Variants in RP1 observed in about 807,000 individuals in gnomAD.
RP1 encodes the protein RP1 axonemal microtubule associated, also known as oxygen-regulated protein 1.
A neutral mutation model predicts 14.8 loss-of-function variants in RP1; 16 were observed. The observed-to-expected ratio is 1.08, with a 90% confidence interval of 0.73 to 1.65. RP1 has a LOEUF of 1.65. Among genes scored for constraint, RP1 ranks in the 40% most tolerant of loss-of-function variants. The probability of loss-of-function intolerance (pLI) is 0.00; values close to 1 mark genes in which losing one functional copy is unlikely to be tolerated. For missense variants in RP1, 2,631 were observed against 2,535.0 expected (o/e 1.04, Z -0.81); for synonymous variants, 876 against 883.6 (o/e 0.99, Z 0.15).
intron 6 of RP1, among the ~76,000 whole-genome samples, chr8:54,658,626 T>A (rs1247638307): frequency 6.6e-6 from 1 of 152,060 alleles, no homozygotes; most frequent in African/African-American, 2.4e-5. Context: ...TCCATTCATC[T>A]GACAGTGGAC....
intron 13 of RP1, among the ~76,000 whole-genome samples, chr8:54,700,630 A>T (rs1383044167): frequency 1.3e-5 from 2 of 152,182 alleles, no homozygotes; most frequent in East Asian, 1.9e-4. Flanking sequence ...GAGTTGAAGA[A>T]ATATCTCTTC....
At chr8:54,583,560 G>A (rs1213543166) in intron 1 of RP1, among the ~76,000 whole-genome samples, 1 of 152,180 alleles carries the variant, frequency 6.6e-6, no homozygotes, top group Non-Finnish European at 1.5e-5. Flanking sequence ...GATTGGAATA[G>A]TTTCAGAAGG....
chr8:54,610,540 C>T (rs1189758564), intron 1 of RP1, among the ~76,000 whole-genome samples: 3 of 152,162 alleles, frequency 2.0e-5, no homozygotes, highest in Non-Finnish European at 4.4e-5. Context: ...CTTGATATTT[C>T]TATTTGGATG....
chr8:54,677,862 T>C (rs896822614), intron 8 of RP1, among the ~76,000 whole-genome samples: 1 of 152,214 alleles, frequency 6.6e-6, no homozygotes, highest in African/African-American at 2.4e-5. Context: ...ACAAAACCAC[T>C]ATGACCAATT....
At chr8:54,708,877 G>A (rs552783640) in intron 15 of RP1, among the ~76,000 whole-genome samples, 36 of 152,254 alleles carry the variant, frequency 2.4e-4, no homozygotes, top group African/African-American at 7.9e-4. Flanking sequence ...TGGGGCTGAG[G>A]GACTGGAAGA....
upstream of RP1, among the ~76,000 whole-genome samples, chr8:54,613,405 T>G (rs1025931614): frequency 3.9e-5 from 6 of 152,200 alleles, no homozygotes; most frequent in Non-Finnish European, 8.8e-5. Flanking sequence ...CAGGCATATA[T>G]ATCTCCACAA....
At chr8:54,611,910 T>C (rs1054993050), upstream of RP1, among the ~76,000 whole-genome samples, 2 of 132,516 alleles carry the variant, frequency 1.5e-5, no homozygotes, top group African/African-American at 5.6e-5. Context: ...CCTTCCTTCC[T>C]TCCTATTCCC....
At chr8:54,646,334 T>G (rs551504458) in intron 3 of RP1, among the ~76,000 whole-genome samples, 89 of 152,074 alleles carry the variant, frequency 5.9e-4, no homozygotes, top group African/African-American at 2.0e-3. Flanking sequence ...CTAATTTTTC[T>G]TATTCATTAT....
intron 24 of RP1, among the ~76,000 whole-genome samples, chr8:54,837,147 A>G (rs1263597157): frequency 1.5e-5 from 2 of 136,334 alleles, no homozygotes; most frequent in African/African-American, 2.6e-5. Flanking sequence ...TACCCACTGA[A>G]TGAATAGTGT....
At chr8:54,720,052 C>A (rs557489549) in intron 15 of RP1, 49 of 1,189,098 alleles carry the variant, frequency 4.1e-5, no homozygotes, top group South Asian at 1.7e-4. Context: ...AAATTATATT[C>A]TTTTAAAACG....
At chr8:54,844,616 G>A (rs1811870074) in intron 25 of RP1, among the ~76,000 whole-genome samples, 1 of 152,178 alleles carries the variant, frequency 6.6e-6, no homozygotes, top group African/African-American at 2.4e-5. Context: ...GTGTGCATGT[G>A]TAGACATGCT....
Position 54,621,440 on chromosome 8 carries a change from C to A in RP1, c.474C>A (p.Val158=). Residue 158 remains valine (V), a synonymous_variant, in exon 2 of 4, where the codon GTC becomes GTA. Transcript: ENST00000220676. The stretch of plus-strand genomic sequence containing the variant: ...CCCGCCCCCCACGGAGCCTAGTGGT[C>A]TTCAGGAATGGCGACCCGAAGACGA... ...GMPRPPRSLV[V]FRNGDPKTRR... is the part of the protein sequence containing the mutation. The A allele has an allele frequency of 6.2e-7, 1 of 1,613,874 alleles. No individual in the cohort carries two copies. Among genetic ancestry groups the A allele is most frequent in the Non-Finnish European group, 8.5e-7 (1 of 1,180,032 alleles).
At chr8:54,757,967 A>G (rs1219517048) in intron 21 of RP1, among the ~76,000 whole-genome samples, 2 of 152,076 alleles carry the variant, frequency 1.3e-5, no homozygotes, top group Non-Finnish European at 2.9e-5. Context: ...CATCAACAGC[A>G]TGGAGCCAAT....
chr8:54,827,167 T>A (rs1224263209), intron 24 of RP1, among the ~76,000 whole-genome samples: 1 of 152,088 alleles, frequency 6.6e-6, no homozygotes, highest in Non-Finnish European at 1.5e-5. Context: ...GTACACCAAT[T>A]TATGTAAATA....
exon 7 of RP1, chr8:54,663,820 G>C (rs923283051): frequency 6.5e-7 from 1 of 1,528,490 alleles, no homozygotes. Flanking sequence ...TATTTAGATC[G>C]AAGAGCTCCT....
intron 1 of RP1, among the ~76,000 whole-genome samples, chr8:54,608,036 GCTCCACCCACTGTC>G (rs774792835): frequency 1.7e-4 from 26 of 151,952 alleles, no homozygotes; most frequent in Non-Finnish European, 3.1e-4. Flanking sequence ...TGCTTGATGT[GCTCCACCCACTGTC>G]CTGCACCCAC....
At chr8:54,654,890 G>C (rs1806724109) in intron 5 of RP1, among the ~76,000 whole-genome samples, 1 of 152,132 alleles carries the variant, frequency 6.6e-6, no homozygotes, top group Non-Finnish European at 1.5e-5. Context: ...CAAGCAGTCT[G>C]CCCACCTTGG....
rs1362091107 is a variant in RP1 at position 54,854,955 on chromosome 8, G to GTATAATTTTCTTACAT, written c.3991-2067_3991-2066insTTTCTTACATTATAAT. 4.6e-4 allele frequency among the ~76,000 whole-genome samples: 70 copies of GTATAATTTTCTTACAT among 152,230 alleles called. 1 individual carries two copies. Among genetic ancestry groups the GTATAATTTTCTTACAT allele is most frequent in the African/African-American group, 1.5e-3 (64 of 41,548 alleles). ...CATTTTGAAGTATAATTTTCTTACA[G>GTATAATTTTCTTACAT]TATAATGGTTTAAGTACATTCACAT... is the stretch of plus-strand genomic sequence containing the variant. On this transcript the variant is annotated intron_variant, in intron 26 of 28. Coordinates refer to the RP1 transcript ENST00000637698.
chr8:54,561,195 T>C (rs1804279660), intron 1 of RP1, among the ~76,000 whole-genome samples: 1 of 152,168 alleles, frequency 6.6e-6, no homozygotes, highest in Admixed American at 6.5e-5. Context: ...CTATTAGAGC[T>C]TCTTAACTAA....
Sources: gnomAD v4.1 joint callset for allele counts (sites outside exome capture counted in the v4.1 genomes callset) on GRCh38, gnomAD v4.1.1 for gene constraint, MANE v1.5 for transcripts, NCBI Gene and HGNC (gene_info 2026-07-23, HGNC 2026-07-21) for gene names.